Variants in RFX5 observed in about 807,000 individuals in gnomAD.
The protein encoded by RFX5 is DNA-binding protein RFX5.
Under a neutral mutation model 41.2 loss-of-function variants are expected in RFX5, and 30 were observed. The ratio of observed to expected loss-of-function variants is 0.73; its 90% CI spans 0.54 to 0.99. The LOEUF is 0.99. RFX5 is among the 50% of genes least tolerant of loss of function. RFX5 has a pLI of 0.00. For missense variants in RFX5, 715 were observed against 773.6 expected (o/e 0.92, Z 0.90); for synonymous variants, 231 against 291.8 (o/e 0.79, Z 2.12).
Position 151,341,907 on chromosome 1 carries a change from C to A in RFX5, c.*279G>T. On this transcript the variant is annotated 3_prime_UTR_variant, in exon 11 of 11. Transcript: ENST00000452671. ...CCAAAAGATCCCTAACCTATATATTCATCATACTTAGCCCATTCCTACCTT... is the reference window on the plus strand; with the variant it reads ...CCAAAAGATCCCTAACCTATATATTAATCATACTTAGCCCATTCCTACCTT... The A allele has an allele frequency of 1.6e-6, 1 of 622,678 alleles. No individual in the cohort carries two copies. The highest frequency in any genetic ancestry group is 1.6e-5 in the South Asian group (1 of 61,420). 38.6% of individuals were successfully genotyped at this position (622,678 alleles called of 1,614,324 possible).
chr1:151,344,703 T>TTC, intron 6 of RFX5, 25 bp downstream of exon 6: 5 of 1,515,640 alleles, frequency 3.3e-6, no homozygotes, highest in Non-Finnish European at 4.5e-6. Context: ...AATCCACTCA[T>TTC]CCCACCACCC....
chr1:151,344,036 C>G (rs1650767677), intron 8 of RFX5, among the ~76,000 whole-genome samples, 154 bp from the exon 9 acceptor site: 1 of 152,186 alleles, frequency 6.6e-6, no homozygotes, highest in Non-Finnish European at 1.5e-5. Flanking sequence ...CACAAGTTCT[C>G]TTCATCCTCT....
Position 151,346,573 on chromosome 1 carries a change from C to A in RFX5, c.-98G>T. 3 of 481,522 alleles carry A rather than the reference C, an allele frequency of 6.2e-6. No homozygotes were observed. The highest frequency in any genetic ancestry group is 1.1e-5 in the Non-Finnish European group (3 of 262,772). 29.8% of individuals were successfully genotyped at this position (481,522 alleles called of 1,614,324 possible). A position where few individuals can be genotyped will look rare whatever the true frequency, so the allele number is the denominator to read the frequency against. On this transcript the variant is annotated 5_prime_UTR_variant, in exon 2 of 11. Transcript: ENST00000452671. ...ATCTTTGCCATCTCCATTCTATCTGCCCCACCTTTCTGAAGTCTCCTAAAT... is the reference window on the plus strand; with the variant it reads ...ATCTTTGCCATCTCCATTCTATCTGACCCACCTTTCTGAAGTCTCCTAAAT...
Position 151,341,993 on chromosome 1 carries a change from GCC to G in RFX5, c.*191_*192del. 1.3e-6 allele frequency: 1 copy of G among 766,730 alleles called. No individual in the cohort carries two copies. The allele number at this position is 766,730 out of a possible 1,614,324, so 47.5% of individuals were successfully genotyped here. On this transcript the variant is annotated 3_prime_UTR_variant, in exon 11 of 11. Transcript: ENST00000452671. ...CTACAGATTTATTGGTTACACTAAA[GCC>G]CAGGGTATCAAGCTGAAAAGGTCAG...
chr1:151,345,346 A>G, intron 4 of RFX5, 158 bp from the exon 5 acceptor site: 1 of 621,012 alleles, frequency 1.6e-6, no homozygotes, highest in Non-Finnish European at 2.9e-6. Context: ...ACGGTGGCTC[A>G]CGCCTACAAT....
Position 151,344,051 on chromosome 1 carries a change from C to T in RFX5, c.555+146G>A, listed in dbSNP as rs1650769524. On this transcript the variant is annotated intron_variant, in intron 8 of 10. Transcript: ENST00000452671. ...CACAAGTTCTCTTCATCCTCTGCCT[C>T]AGCTACAGGGTTGGCAGAAGGGAAC... is the stretch of plus-strand genomic sequence containing the variant. The T allele has an allele frequency of 1.4e-5, 15 of 1,074,144 alleles. 1 individual carries two copies. In the South Asian group the frequency reaches 2.1e-4, roughly 15 times the overall value. 66.5% of individuals were successfully genotyped at this position (1,074,144 alleles called of 1,614,324 possible). A position where few individuals can be genotyped will look rare whatever the true frequency, so the allele number is the denominator to read the frequency against.
rs1025499769 is a variant in RFX5 at position 151,346,575 on chromosome 1, C to T, written c.-100G>A. 1.5e-5 allele frequency: 7 copies of T among 478,370 alleles called. No homozygotes were observed. Among genetic ancestry groups the T allele is most frequent in the Non-Finnish European group, 2.3e-5 (6 of 260,830 alleles). The allele number at this position is 478,370 out of a possible 1,614,324, so 29.6% of individuals were successfully genotyped here. A position where few individuals can be genotyped will look rare whatever the true frequency, so the allele number is the denominator to read the frequency against. On this transcript the variant is annotated 5_prime_UTR_variant, in exon 2 of 11. Transcript: ENST00000452671. Reference sequence around the variant, plus strand: ...CTTTGCCATCTCCATTCTATCTGCCCCACCTTTCTGAAGTCTCCTAAATCT... The same window carrying T: ...CTTTGCCATCTCCATTCTATCTGCCTCACCTTTCTGAAGTCTCCTAAATCT...
intron 9 of RFX5, 86 bp from the exon 10 acceptor site, chr1:151,343,528 G>A: frequency 2.1e-6 from 3 of 1,434,890 alleles, no homozygotes; most frequent in Non-Finnish European, 2.9e-6. Flanking sequence ...TTGACTGACT[G>A]GTAGAGACAG....
rs1208457876 is a variant in RFX5 at position 151,347,195 on chromosome 1, G to C, written c.-132+16C>G. The C allele has an allele frequency of 6.6e-6, 1 of 152,364 alleles. No individual in the cohort carries two copies. Among genetic ancestry groups the C allele is most frequent in the East Asian group, 1.9e-4 (1 of 5,204 alleles). 9.4% of individuals were successfully genotyped at this position (152,364 alleles called of 1,614,324 possible). ...AACACAAGCAACAATAAAGGTAAGG[G>C]AGAAAGAGAAACTACCTCGTAGCCA... On this transcript the variant is annotated intron_variant, in intron 1 of 10. Transcript: ENST00000452671.
rs1489967497 is a variant in RFX5 at position 151,344,445 on chromosome 1, G to A, written c.445C>T (p.Arg149Ter). The change falls in exon 7 of 11, where the codon CGA becomes TGA. Residue 149 changes from arginine (R) to a stop codon, truncating the protein, a stop_gained. Transcript: ENST00000452671. LOFTEE classifies it high-confidence loss of function. ...IREIFPDIKA[R>*]RLGGRGQSKY... ...GACTGGCCCCGGCCACCAAGCCTTC[G>A]AGCTTTGATGTCAGGGAAGATCTCT... The A allele has an allele frequency of 4.3e-6, 7 of 1,614,032 alleles. No individual in the cohort carries two copies. Among genetic ancestry groups the A allele is most frequent in the African/African-American group, 1.3e-5 (1 of 74,932 alleles).
At chr1:151,343,999 G>T in intron 8 of RFX5, 117 bp from the exon 9 acceptor site, 2 of 1,194,964 alleles carry the variant, frequency 1.7e-6, no homozygotes, top group Non-Finnish European at 2.4e-6. Context: ...GATGGGAGTA[G>T]CCTCTACCTA....
At position 151,342,714 on chromosome 1, in the gene RFX5, G is replaced by T. The variant is rs1233467888; in HGVS notation, c.1323C>A (p.Ala441=). 6.2e-7 allele frequency: 1 copy of T among 1,614,094 alleles called. No homozygotes were observed. ...KRTAEVPVSE[A]SGQAPPAKAA... is the part of the protein sequence containing the mutation. ...CTTTAGCTGGTGGAGCCTGCCCACT[G>T]GCCTCACTCACAGGTACTTCAGCTG... is the stretch of plus-strand genomic sequence containing the variant. Residue 441 remains alanine (A), a synonymous_variant, in exon 11 of 11, where the codon GCC becomes GCA. Transcript: ENST00000452671.
intron 9 of RFX5, 57 bp from the exon 10 acceptor site, chr1:151,343,499 G>A (rs2102063068): frequency 1.3e-6 from 2 of 1,543,872 alleles, no homozygotes; most frequent in African/African-American, 1.4e-5. Flanking sequence ...TGAGGAATAG[G>A]GGAGTGAGGC....
chr1:151,341,883 CA>C lies in RFX5; in HGVS notation c.*302del. On this transcript the variant is annotated 3_prime_UTR_variant, in exon 11 of 11. Transcript: ENST00000452671. Reference sequence around the variant, plus strand: ...AATTAGGTTTTCTGTGATTTAAAACCAAAAGATCCCTAACCTATATATTCAT... The same window carrying C: ...AATTAGGTTTTCTGTGATTTAAAACCAAAGATCCCTAACCTATATATTCAT... 1 of 526,136 alleles carries C rather than the reference CA, an allele frequency of 1.9e-6. No homozygotes were observed. The highest frequency in any genetic ancestry group is 3.5e-6 in the Non-Finnish European group (1 of 282,894). 32.6% of individuals were successfully genotyped at this position (526,136 alleles called of 1,614,324 possible).
In RFX5 at chr1:151,346,268, G is replaced by A; in HGVS notation, c.53C>T (p.Pro18Leu). 2.5e-6 allele frequency: 4 copies of A among 1,614,180 alleles called. No homozygotes were observed. In the South Asian group the frequency reaches 4.4e-5, roughly 18 times the overall value. Residue 18 changes from proline (P) to leucine (L), a missense_variant, in exon 3 of 11, where the codon CCC becomes CTC. Transcript: ENST00000452671. ...AKSPKTGGRA[P>L]PGGAEAGEPT... Reference sequence around the variant, plus strand: ...TTCCCCAGCCTCAGCACCACCTGGGGGGGCCCTTCCCCCAGTCTTGGGGCT... The same window carrying A: ...TTCCCCAGCCTCAGCACCACCTGGGAGGGCCCTTCCCCCAGTCTTGGGGCT...
At chr1:151,345,006 G>C in intron 5 of RFX5, 100 bp downstream of exon 5, 1 of 1,524,822 alleles carries the variant, frequency 6.6e-7, no homozygotes, top group Non-Finnish European at 9.1e-7. Flanking sequence ...TCTTCATCAA[G>C]GACAGCATTT....
rs766955314 is a variant in RFX5 at position 151,342,664 on chromosome 1, G to A, written c.1373C>T (p.Thr458Ile). The change falls in exon 11 of 11, where the codon ACA (threonine) becomes ATA (isoleucine). Residue 458 changes from threonine (T) to isoleucine (I), a missense_variant. Thr to Ile is a moderately conservative substitution (Grantham distance 89). Transcript: ENST00000452671. ...CCGTTTCCTTTTGGCATCACTTGCT[G>A]TATCCTCTATATCCTGCTTTGCTGC... ...AKAAKQDIED[T>I]ASDAKRKRGR... is the part of the protein sequence containing the mutation. 53 of 1,614,088 alleles carry A rather than the reference G, an allele frequency of 3.3e-5. No homozygotes were observed. The highest frequency in any genetic ancestry group is 4.3e-5 in the Non-Finnish European group (51 of 1,180,062).
chr1:151,346,153 G>A (rs1651033384), intron 3 of RFX5, 52 bp downstream of exon 3: 1 of 1,574,838 alleles, frequency 6.3e-7, no homozygotes. Context: ...AAGTGCTGCA[G>A]GGATCTATAC....
At chr1:151,344,146 G>T in intron 8 of RFX5, 51 bp downstream of exon 8, 1 of 1,581,554 alleles carries the variant, frequency 6.3e-7, no homozygotes, top group South Asian at 1.1e-5. Flanking sequence ...AAAGACCTCT[G>T]ACTTTTACCT....
Sources: allele counts gnomAD v4.1 joint callset (sites outside exome capture counted in the v4.1 genomes callset), GRCh38; gene constraint gnomAD v4.1.1; transcripts MANE v1.5; gene names NCBI Gene and HGNC (gene_info 2026-07-23, HGNC 2026-07-21).